Variants in STAC observed in about 807,000 individuals in gnomAD.
STAC encodes the protein SH3 and cysteine-rich domain-containing protein.
In STAC, 43 loss-of-function variants were observed where a neutral mutation model predicts 48.8. The ratio of observed to expected loss-of-function variants is 0.88; its 90% confidence interval spans 0.69 to 1.14. The LOEUF is 1.14. Ranked by LOEUF, STAC falls within the 50% of genes most tolerant of loss-of-function variation. The probability of loss-of-function intolerance (pLI) is 0.00; values close to 1 mark genes in which losing one functional copy is unlikely to be tolerated. For missense variants in STAC, 497 were observed against 504.0 expected, an observed-to-expected ratio of 0.99 and a Z score of 0.13; for synonymous variants, 193 against 179.5, an observed-to-expected ratio of 1.07 and a Z score of -0.60.
chr3:36,440,813 G>A (rs2125663160), intron 1 of STAC, among the ~76,000 whole-genome samples: 1 of 152,324 alleles, frequency 6.6e-6, no homozygotes, highest in East Asian at 1.9e-4. Flanking sequence ...TTAAGACAGA[G>A]GTGGCTGGGC....
chr3:36,534,086 G>A (rs2125499144), intron 10 of STAC, among the ~76,000 whole-genome samples: 1 of 152,254 alleles, frequency 6.6e-6, no homozygotes, highest in South Asian at 2.1e-4. Context: ...ATTTTAGGTT[G>A]AAGATTTCAA....
At chr3:36,382,454 C>A (rs978101081) in intron 1 of STAC, among the ~76,000 whole-genome samples, 2 of 152,176 alleles carry the variant, frequency 1.3e-5, no homozygotes. Flanking sequence ...TAATTATCCA[C>A]CAATTTATCT....
intron 6 of STAC, among the ~76,000 whole-genome samples, chr3:36,495,700 T>C (rs950834033): frequency 6.6e-6 from 1 of 152,256 alleles, no homozygotes; most frequent in South Asian, 2.1e-4. Flanking sequence ...GTGGTCTTAA[T>C]AGGATTTTAA....
intron 1 of STAC, among the ~76,000 whole-genome samples, chr3:36,407,689 A>T (rs1180157411): frequency 6.6e-6 from 1 of 152,220 alleles, no homozygotes; most frequent in Non-Finnish European, 1.5e-5. Context: ...CACAAAGAAG[A>T]AGTTTATTTC....
intron 1 of STAC, among the ~76,000 whole-genome samples, chr3:36,425,635 G>T (rs994147915): frequency 6.6e-6 from 1 of 152,224 alleles, no homozygotes; most frequent in African/African-American, 2.4e-5. Flanking sequence ...GTTATACAAG[G>T]TGTTAAGCAG....
intron 1 of STAC, among the ~76,000 whole-genome samples, chr3:36,385,276 AT>A (rs1489064598): frequency 6.6e-6 from 1 of 152,150 alleles, no homozygotes; most frequent in Admixed American, 6.5e-5. Context: ...TACCACATCA[AT>A]TTCAGCAGTC....
chr3:36,454,350 A>G (rs545379460), intron 2 of STAC, among the ~76,000 whole-genome samples: 6 of 151,810 alleles, frequency 4.0e-5, no homozygotes, highest in African/African-American at 1.5e-4. Flanking sequence ...GAGCTGTAAC[A>G]CTCACCACGA....
intron 1 of STAC, among the ~76,000 whole-genome samples, chr3:36,400,153 T>C (rs990198746): frequency 6.6e-6 from 1 of 152,210 alleles, no homozygotes; most frequent in Non-Finnish European, 1.5e-5. Flanking sequence ...ACAGGATAAG[T>C]AGTTCGTTGT....
intron 6 of STAC, 123 bp from the exon 7 acceptor site, chr3:36,504,270 A>G: frequency 3.4e-6 from 3 of 869,630 alleles, no homozygotes; most frequent in Admixed American, 4.8e-5. Flanking sequence ...GAGGGTGAGG[A>G]AAAGGCAATA....
chr3:36,437,780 TAATAC>T (rs1308249165), intron 1 of STAC, among the ~76,000 whole-genome samples: 3 of 147,806 alleles, frequency 2.0e-5, no homozygotes, highest in Admixed American at 6.7e-5. Context: ...GGTATAATAA[TAATAC>T]AATAAAAAAA....
At chr3:36,393,577 G>A (rs1699795917) in intron 1 of STAC, among the ~76,000 whole-genome samples, 1 of 151,514 alleles carries the variant, frequency 6.6e-6, no homozygotes, top group Non-Finnish European at 1.5e-5. Context: ...GATAGTGTTT[G>A]GACATCAGCC....
intron 8 of STAC, among the ~76,000 whole-genome samples, chr3:36,509,356 T>C (rs1281635720): frequency 2.0e-5 from 3 of 152,186 alleles, no homozygotes; most frequent in Non-Finnish European, 4.4e-5. Context: ...ATTTCAACCT[T>C]GGTGAATCTG....
chr3:36,532,180 C>A (rs1216152557), intron 10 of STAC, among the ~76,000 whole-genome samples: 2 of 152,216 alleles, frequency 1.3e-5, no homozygotes, highest in East Asian at 3.9e-4. Context: ...TATATAGATG[C>A]AATAACCCCA....
intron 1 of STAC, among the ~76,000 whole-genome samples, chr3:36,388,343 T>C (rs1313481645): frequency 6.6e-6 from 1 of 152,142 alleles, no homozygotes; most frequent in Non-Finnish European, 1.5e-5. Flanking sequence ...TAATACTGTT[T>C]TTTCATTTCC....
intron 6 of STAC, among the ~76,000 whole-genome samples, chr3:36,500,223 G>A (rs1477357803): frequency 6.6e-6 from 1 of 152,106 alleles, no homozygotes; most frequent in African/African-American, 2.4e-5. Context: ...TTCCTTTTAA[G>A]AACACATGTG....
At chr3:36,512,632 T>C (rs926502098) in intron 8 of STAC, among the ~76,000 whole-genome samples, 1 of 152,272 alleles carries the variant, frequency 6.6e-6, no homozygotes, top group Non-Finnish European at 1.5e-5. Flanking sequence ...TGCGTGCTTA[T>C]TTTAGTTGGT....
chr3:36,423,739 A>AT (rs1700500266), intron 1 of STAC, among the ~76,000 whole-genome samples: 1 of 152,136 alleles, frequency 6.6e-6, no homozygotes, highest in Non-Finnish European at 1.5e-5. Flanking sequence ...GGATGTAAAT[A>AT]TATAAGTATG....
intron 8 of STAC, among the ~76,000 whole-genome samples, chr3:36,519,079 G>A (rs1409412930): frequency 2.0e-5 from 3 of 152,198 alleles, no homozygotes; most frequent in African/African-American, 7.2e-5. Flanking sequence ...TTGTTAGTGA[G>A]CAGTCACTCT....
chr3:36,387,315 G>A (rs1314273214), intron 1 of STAC, among the ~76,000 whole-genome samples: 1 of 151,734 alleles, frequency 6.6e-6, no homozygotes, highest in African/African-American at 2.4e-5. Flanking sequence ...TCTTGACTGT[G>A]GTAAAATATG....
Sources: gnomAD v4.1 joint callset for allele counts (sites outside exome capture counted in the v4.1 genomes callset) on GRCh38, gnomAD v4.1.1 for gene constraint, MANE v1.5 for transcripts, NCBI Gene and HGNC (gene_info 2026-07-23, HGNC 2026-07-21) for gene names.